The following ZNF326 variants were observed in gnomAD, a reference collection of about 807,000 sequenced individuals.
The protein encoded by ZNF326 is DBIRD complex subunit ZNF326.
Under a neutral mutation model 63.1 loss-of-function variants are expected in ZNF326, and 30 were observed. The ratio of observed to expected loss-of-function variants is 0.48; its 90% confidence interval spans 0.36 to 0.64. The LOEUF (loss-of-function observed/expected upper bound fraction) is 0.64, where lower values mean the gene tolerates loss of function less well. ZNF326 is among the 30% of genes least tolerant of loss of function. The probability of loss-of-function intolerance (pLI) is 0.00; values close to 1 mark genes in which losing one functional copy is unlikely to be tolerated. For missense variants in ZNF326, 609 were observed against 720.3 expected (o/e 0.85, Z 1.77); for synonymous variants, 194 against 228.2 (o/e 0.85, Z 1.35).
In ZNF326 at chr1:90,027,749, T is replaced by TA. The variant is rs972703642; in HGVS notation, c.*54dup. On this transcript the variant is annotated 3_prime_UTR_variant, in exon 12 of 12. Coordinates refer to ENST00000340281, the MANE Select transcript of ZNF326 (RefSeq NM_182976.4). ...GGAGCTTTACATTTCGGTTCTAATGTAAAAAAGGGTAAGAAATTTAATAGC... is the reference window on the plus strand; with the variant it reads ...GGAGCTTTACATTTCGGTTCTAATGTAAAAAAAGGGTAAGAAATTTAATAGC... The TA allele has an allele frequency of 6.4e-7, 1 of 1,560,500 alleles. No individual in the cohort carries two copies. Among genetic ancestry groups the TA allele is most frequent in the Non-Finnish European group, 8.8e-7 (1 of 1,138,910 alleles).
At position 90,025,146 on chromosome 1, in the gene ZNF326, C is replaced by G. The variant is rs559938912; in HGVS notation, c.1402-2208C>G. Among the ~76,000 whole-genome samples the G allele has an allele frequency of 1.1e-4, 17 of 152,172 alleles. No individual in the cohort carries two copies. In the East Asian group the frequency reaches 3.3e-3, roughly 29 times the overall value. ...TTACTTTGCACGTGCTCTTTGCTTC[C>G]TCTCTATTATTCACTCTTTAAACTA... On this transcript the variant is annotated intron_variant, in intron 11 of 11. Transcript: ENST00000340281.
chr1:90,008,417 A>G (rs1396970507), intron 5 of ZNF326, among the ~76,000 whole-genome samples: 1 of 152,166 alleles, frequency 6.6e-6, no homozygotes, highest in Non-Finnish European at 1.5e-5. Context: ...CTGTACAGAT[A>G]TGTTTATGGT....
rs1471940544 is a variant in ZNF326 at position 90,035,254 on chromosome 1, A to G, written c.*7553A>G. ...AGAAAACATAGTCCTTATTTTGAGC[A>G]GTGTGATTGTAGAGACAAACATCCA... On this transcript the variant is annotated 3_prime_UTR_variant, in exon 12 of 12. Transcript: ENST00000340281. 6.6e-6 allele frequency: 1 copy of G among 152,260 alleles called. No individual in the cohort carries two copies. Among genetic ancestry groups the G allele is most frequent in the Non-Finnish European group, 1.5e-5 (1 of 68,040 alleles). 9.4% of individuals were successfully genotyped at this position (152,260 alleles called of 1,614,324 possible).
chr1:90,024,542 T>C (rs1407590215), intron 11 of ZNF326, among the ~76,000 whole-genome samples: 1 of 152,204 alleles, frequency 6.6e-6, no homozygotes, highest in Non-Finnish European at 1.5e-5. Context: ...TTTCCTGTAG[T>C]GACTCTTCCA....
chr1:90,007,485 A>G lies in ZNF326; in HGVS notation c.350A>G (p.Asn117Ser), dbSNP rs1226267048. ...GGTCGATTTGAGAGCTCCTACCGGAATAGCCTTGACTCTTTCGGAGGTAGA... is the reference window on the plus strand; with the variant it reads ...GGTCGATTTGAGAGCTCCTACCGGAGTAGCCTTGACTCTTTCGGAGGTAGA... ...YGGRFESSYR[N>S]SLDSFGGRNQ... is the part of the protein sequence containing the mutation. Residue 117 changes from asparagine (N) to serine (S), a missense_variant, in exon 5 of 12, where the codon AAT becomes AGT. Physicochemically the swap from Asn to Ser is conservative, Grantham distance 46. This residue lies in a region of ZNF326 where 113 missense variants were observed against 187.4 expected (regional missense o/e 0.60). Transcript: ENST00000340281. The surrounding 1 kb of genome is among the most constrained non-coding windows in gnomAD (Gnocchi z 4.9). 1 of 1,614,160 alleles carries G rather than the reference A, an allele frequency of 6.2e-7. No homozygotes were observed. Among genetic ancestry groups the G allele is most frequent in the Non-Finnish European group, 8.5e-7 (1 of 1,180,028 alleles).
In ZNF326 at chr1:90,027,967, G is replaced by T. The variant is rs1650104114; in HGVS notation, c.*266G>T. ...AAGCTTAATTTTTATTACTTTATTG[G>T]TGTTAAGGATAACAAATGTGTATTG... On this transcript the variant is annotated 3_prime_UTR_variant, in exon 12 of 12. Coordinates refer to ENST00000340281, the MANE Select transcript of ZNF326 (RefSeq NM_182976.4). The T allele has an allele frequency of 4.7e-6, 2 of 421,560 alleles. No homozygotes were observed. The highest frequency in any genetic ancestry group is 8.4e-6 in the Non-Finnish European group (2 of 237,628). The allele number at this position is 421,560 out of a possible 1,614,324, so 26.1% of individuals were successfully genotyped here. A position where few individuals can be genotyped will look rare whatever the true frequency, so the allele number is the denominator to read the frequency against.
chr1:90,016,084 A>T (rs1167465365), intron 7 of ZNF326, among the ~76,000 whole-genome samples: 2 of 152,062 alleles, frequency 1.3e-5, no homozygotes, highest in Non-Finnish European at 2.9e-5. Context: ...CTTACCTCCT[A>T]TAGGAAGTAG....
At chr1:90,019,173 C>T (rs1557527163) in intron 9 of ZNF326, among the ~76,000 whole-genome samples, 1 of 151,442 alleles carries the variant, frequency 6.6e-6, no homozygotes, top group African/African-American at 2.4e-5. Flanking sequence ...CAAAACAAAA[C>T]AAGAACAAAA....
chr1:89,995,309 A>C (rs1327747838), intron 1 of ZNF326, 36 bp downstream of exon 1: 1 of 1,538,140 alleles, frequency 6.5e-7, no homozygotes, highest in Admixed American at 2.0e-5. Flanking sequence ...CGCAGCTGGC[A>C]GGAGGCGGGG....
intron 5 of ZNF326, among the ~76,000 whole-genome samples, chr1:90,008,098 C>T (rs1047117440): frequency 2.0e-5 from 3 of 152,086 alleles, no homozygotes; most frequent in Non-Finnish European, 4.4e-5. Flanking sequence ...TCACTGAACC[C>T]TTTTTGAGTT....
Position 90,022,253 on chromosome 1 carries a change from TA to T in ZNF326, c.1310del (p.Tyr437LeufsTer5). ...SPDHIKGKQA[Y>X]KEQIKRESVL... Reference sequence around the variant, plus strand: ...CAGTGTGTTCTGTTTTTTATAGGCTTATAAGGAACAAATAAAAAGAGAGAGT... The same window carrying T: ...CAGTGTGTTCTGTTTTTTATAGGCTTTAAGGAACAAATAAAAAGAGAGAGT... On this transcript the variant is annotated frameshift_variant, in exon 11 of 12. Coordinates refer to ENST00000340281, the MANE Select transcript of ZNF326 (RefSeq NM_182976.4). LOFTEE classifies it high-confidence loss of function. 1 of 1,608,686 alleles carries T rather than the reference TA, an allele frequency of 6.2e-7. No individual in the cohort carries two copies. Among genetic ancestry groups the T allele is most frequent in the Non-Finnish European group, 8.5e-7 (1 of 1,176,804 alleles).
intron 4 of ZNF326, 74 bp downstream of exon 4, chr1:90,005,318 T>G: frequency 6.5e-7 from 1 of 1,539,588 alleles, no homozygotes; most frequent in Non-Finnish European, 8.7e-7. Flanking sequence ...AAGTACTCTT[T>G]AGGCATGTTA....
chr1:90,005,811 A>G (rs1648959461), intron 4 of ZNF326: 1 of 985,340 alleles, frequency 1.0e-6, no homozygotes, highest in Non-Finnish European at 1.2e-6. Context: ...GACAGGTACT[A>G]CTTACACCAA....
chr1:90,004,921 T>C (rs368359245), intron 2 of ZNF326, 82 bp from the exon 3 acceptor site: 6 of 1,176,154 alleles, frequency 5.1e-6, no homozygotes, highest in Non-Finnish European at 7.4e-6. Flanking sequence ...AGGTGATAGA[T>C]AGGAATATCT....
chr1:90,013,381 GA>G, intron 7 of ZNF326, 144 bp downstream of exon 7: 1 of 617,174 alleles, frequency 1.6e-6, no homozygotes, highest in Non-Finnish European at 2.6e-6. Flanking sequence ...TTTGGTTTTT[GA>G]TATTTATATG....
At chr1:90,027,305 A>C in intron 11 of ZNF326, 49 bp from the exon 12 acceptor site, 2 of 1,562,744 alleles carry the variant, frequency 1.3e-6, no homozygotes, top group Non-Finnish European at 1.7e-6. Flanking sequence ...TTGCCAGATC[A>C]TGTAATAATG....
chr1:90,017,281 G>C, intron 7 of ZNF326, 36 bp from the exon 8 acceptor site: 1 of 1,443,450 alleles, frequency 6.9e-7, no homozygotes, highest in Non-Finnish European at 9.4e-7. Flanking sequence ...GTTGAATAAA[G>C]TAATATTTAA....
At chr1:90,006,329 T>C in intron 4 of ZNF326, 3 of 977,624 alleles carry the variant, frequency 3.1e-6, no homozygotes, top group South Asian at 9.5e-5. Context: ...TTTTAATATG[T>C]CAGTTATTGC....
chr1:90,009,070 A>G (rs554298350), intron 5 of ZNF326, among the ~76,000 whole-genome samples: 21 of 152,212 alleles, frequency 1.4e-4, no homozygotes, highest in African/African-American at 3.6e-4. Flanking sequence ...AATATTTTCC[A>G]TGCTGTATAT....
Sources: allele counts gnomAD v4.1 joint callset (sites outside exome capture counted in the v4.1 genomes callset), GRCh38; gene constraint gnomAD v4.1.1; regional missense constraint gnomAD v4.1.1; non-coding constraint Gnocchi (gnomAD v3.1); transcripts MANE v1.5; gene names NCBI Gene and HGNC (gene_info 2026-07-23, HGNC 2026-07-21).